FAT3: variants seen among roughly 807,000 people sequenced by gnomAD.
The protein encoded by FAT3 is protocadherin Fat 3.
Under a neutral mutation model 310.2 loss-of-function variants are expected in FAT3, and 95 were observed. That is an observed-to-expected ratio of 0.31 (90% CI 0.26 to 0.36). The LOEUF (loss-of-function observed/expected upper bound fraction) is 0.36, where lower values mean the gene tolerates loss of function less well. Among genes scored for constraint, FAT3 ranks in the 10% least tolerant of loss-of-function variants. FAT3 has a pLI of 1.00. For synonymous variants in FAT3, 2,314 were observed against 2,192.9 expected, an observed-to-expected ratio of 1.06 and a Z score of -1.54; for missense variants, 5,408 against 5,715.6, an observed-to-expected ratio of 0.95 and a Z score of 1.74.
chr11:92,542,988 T>G (rs1401382720), intron 3 of FAT3, among the ~76,000 whole-genome samples: 1 of 152,094 alleles, frequency 6.6e-6, no homozygotes, highest in East Asian at 1.9e-4. Context: ...GGAATACCAT[T>G]CAGCTGTAAA....
At chr11:92,450,123 C>A (rs1006335561) in intron 2 of FAT3, among the ~76,000 whole-genome samples, 1 of 152,192 alleles carries the variant, frequency 6.6e-6, no homozygotes, top group Non-Finnish European at 1.5e-5. Context: ...ACTGTGTATA[C>A]GGCCCCTGCC....
At chr11:92,655,814 G>T (rs1424065989) in intron 3 of FAT3, among the ~76,000 whole-genome samples, 2 of 152,094 alleles carry the variant, frequency 1.3e-5, no homozygotes, top group Non-Finnish European at 2.9e-5. Flanking sequence ...TTATTTTTTG[G>T]TCTATTTCTG....
intron 3 of FAT3, among the ~76,000 whole-genome samples, chr11:92,689,440 A>C (rs547978251): frequency 6.6e-6 from 1 of 152,358 alleles, no homozygotes; most frequent in South Asian, 2.1e-4. Flanking sequence ...GCATCATTTC[A>C]TACGACATCC....
chr11:92,368,883 CATATATAT>C (rs1398251746), intron 2 of FAT3, among the ~76,000 whole-genome samples: 1 of 131,344 alleles, frequency 7.6e-6, no homozygotes. Flanking sequence ...CACATATACA[CATATATAT>C]ACACACACAC....
intron 2 of FAT3, among the ~76,000 whole-genome samples, chr11:92,409,484 C>T (rs1307620704): frequency 6.6e-6 from 1 of 152,140 alleles, no homozygotes; most frequent in African/African-American, 2.4e-5. Flanking sequence ...CCCTCCACTA[C>T]AGTTTATCTG....
intron 4 of FAT3, among the ~76,000 whole-genome samples, chr11:92,711,713 G>T (rs945706943): frequency 1.3e-5 from 2 of 152,206 alleles, no homozygotes; most frequent in Non-Finnish European, 2.9e-5. Flanking sequence ...ATTTGGAAAA[G>T]AGTACTGCAT....
intron 4 of FAT3, among the ~76,000 whole-genome samples, chr11:92,716,572 A>G (rs1029804468): frequency 1.1e-4 from 16 of 152,130 alleles, no homozygotes; most frequent in African/African-American, 3.6e-4. Context: ...AAGGTTCTTA[A>G]CTCTGCCTGT....
intron 3 of FAT3, among the ~76,000 whole-genome samples, chr11:92,634,358 G>T (rs1168629270): frequency 6.6e-6 from 1 of 152,096 alleles, no homozygotes; most frequent in African/African-American, 2.4e-5. Flanking sequence ...GTATTGTCAA[G>T]GAGTTTCCCA....
chr11:92,627,002 T>C (rs1019668995), intron 3 of FAT3, among the ~76,000 whole-genome samples: 1 of 152,232 alleles, frequency 6.6e-6, no homozygotes, highest in Non-Finnish European at 1.5e-5. Context: ...TGTAACATTG[T>C]TGAAATAGGC....
intron 21 of FAT3, among the ~76,000 whole-genome samples, chr11:92,863,500 A>C (rs1168038507): frequency 6.6e-6 from 1 of 152,234 alleles, no homozygotes; most frequent in Non-Finnish European, 1.5e-5. Context: ...CACTGATTTC[A>C]AATGATCCTG....
chr11:92,629,818 T>A (rs1291341114), intron 3 of FAT3, among the ~76,000 whole-genome samples: 1 of 152,290 alleles, frequency 6.6e-6, no homozygotes, highest in East Asian at 1.9e-4. Context: ...CTCATTCCAT[T>A]TTGTGCCAAG....
In FAT3 at chr11:92,521,129, G is replaced by A. The variant is rs1052596544; in HGVS notation, c.3293-3505G>A. Among the ~76,000 whole-genome samples the A allele has an allele frequency of 3.3e-5, 5 of 152,078 alleles. 1 individual carries two copies. Among genetic ancestry groups the A allele is most frequent in the Non-Finnish European group, 7.4e-5 (5 of 68,010 alleles). On this transcript the variant is annotated intron_variant, in intron 2 of 27. Transcript: ENST00000525166. The stretch of plus-strand genomic sequence containing the variant: ...ATTTTGTGACTGCAAATCTCTATAT[G>A]AAAGTGCTTTGGTGTGTGTGTGTGT...
intron 3 of FAT3, among the ~76,000 whole-genome samples, chr11:92,676,921 G>A (rs1943305161): frequency 6.6e-6 from 1 of 152,202 alleles, no homozygotes. Flanking sequence ...AGGAGAGTTA[G>A]AACTGGAAAG....
At chr11:92,265,600 C>G (rs1945920859) in intron 1 of FAT3, among the ~76,000 whole-genome samples, 1 of 151,904 alleles carries the variant, frequency 6.6e-6, no homozygotes, top group South Asian at 2.1e-4. Context: ...ACCAAAATAC[C>G]ATAAACTAAG....
At chr11:92,349,473 A>G (rs1948504383) in intron 1 of FAT3, among the ~76,000 whole-genome samples, 1 of 152,218 alleles carries the variant, frequency 6.6e-6, no homozygotes, top group Non-Finnish European at 1.5e-5. Flanking sequence ...ACTGTGCTCT[A>G]CAAAGTAGAC....
At chr11:92,590,961 C>A (rs1939395405) in intron 3 of FAT3, among the ~76,000 whole-genome samples, 2 of 152,048 alleles carry the variant, frequency 1.3e-5, no homozygotes, top group African/African-American at 4.8e-5. Context: ...CCAACACAGA[C>A]CCATTTTCAC....
chr11:92,863,415 A>G (rs1949166988), intron 21 of FAT3, among the ~76,000 whole-genome samples: 1 of 152,196 alleles, frequency 6.6e-6, no homozygotes, highest in Non-Finnish European at 1.5e-5. Flanking sequence ...CTTTCCTGCA[A>G]AAGTAGGACT....
At chr11:92,566,001 A>T (rs888742725) in intron 3 of FAT3, among the ~76,000 whole-genome samples, 4 of 151,996 alleles carry the variant, frequency 2.6e-5, no homozygotes, top group African/African-American at 9.7e-5. Flanking sequence ...CTCTCTCACC[A>T]CTCCTATTCA....
In FAT3 at chr11:92,880,792, C is replaced by G. The variant is rs2136398025; in HGVS notation, c.12189C>G (p.Ala4063=). The G allele has an allele frequency of 6.2e-7, 1 of 1,613,982 alleles. No individual in the cohort carries two copies. Among genetic ancestry groups the G allele is most frequent in the Non-Finnish European group, 8.5e-7 (1 of 1,179,872 alleles). ...TGRNCESEIT[A]CFPNPCRNGG... ...GAAACTGTGAATCTGAGATTACAGCCTGCTTCCCAAACCCCTGCCGGAATG... is the reference window on the plus strand; with the variant it reads ...GAAACTGTGAATCTGAGATTACAGCGTGCTTCCCAAACCCCTGCCGGAATG... The change falls in exon 23 of 28, where the codon GCC becomes GCG. Residue 4063 remains alanine (A), a synonymous_variant. Transcript: ENST00000525166.
Sources: gnomAD v4.1 joint callset for allele counts (sites outside exome capture counted in the v4.1 genomes callset) on GRCh38, gnomAD v4.1.1 for gene constraint, MANE v1.5 for transcripts, NCBI Gene and HGNC (gene_info 2026-07-23, HGNC 2026-07-21) for gene names.